ROCK2: variants seen among roughly 807,000 people sequenced by gnomAD.
The protein encoded by ROCK2 is Rho associated coiled-coil containing protein kinase 2.
A neutral mutation model predicts 195.1 loss-of-function variants in ROCK2; 61 were observed. That is an observed-to-expected ratio of 0.31 (90% CI 0.25 to 0.39). The LOEUF is 0.39. ROCK2 is among the 10% of genes least tolerant of loss of function. ROCK2 has a pLI of 1.00. For missense variants in ROCK2, 1,109 were observed against 1,637.4 expected (o/e 0.68, Z 5.57); for synonymous variants, 504 against 545.5 (o/e 0.92, Z 1.06).
At chr2:11,196,773 C>A (rs1277994985) in intron 27 of ROCK2, among the ~76,000 whole-genome samples, 1 of 152,068 alleles carries the variant, frequency 6.6e-6, no homozygotes, top group East Asian at 1.9e-4. Context: ...CGTGTGAGAA[C>A]TGGAAGGCTT....
At position 11,344,035 on chromosome 2, in the gene ROCK2, G is replaced by C. The variant is rs1233582144; in HGVS notation, c.102C>G (p.Ile34Met). 2 of 1,588,444 alleles carry C rather than the reference G, an allele frequency of 1.3e-6. No homozygotes were observed. The highest frequency in any genetic ancestry group is 1.7e-6 in the Non-Finnish European group (2 of 1,168,724). The change falls in exon 1 of 33, where the codon ATC (isoleucine) becomes ATG (methionine). Residue 34 changes from isoleucine to methionine, a missense_variant. Physicochemically the swap from Ile to Met is conservative, Grantham distance 10. Transcript: ENST00000315872. This position sits in a 1 kb window ranked among gnomAD's most constrained non-coding sequence, Gnocchi z 5.4. ...ASRQRKLEAL[I>M]RDPRSPINVE... ...CGTTGATGGGGGAGCGAGGGTCTCG[G>C]ATCAGCGCCTCCAGCTTCCTCTGGC... is the stretch of plus-strand genomic sequence containing the variant.
chr2:11,186,047 C>G (rs1182623908), intron 32 of ROCK2, among the ~76,000 whole-genome samples: 1 of 152,194 alleles, frequency 6.6e-6, no homozygotes, highest in Non-Finnish European at 1.5e-5. Context: ...AGCTGGTTAA[C>G]TTTGAGAAAC....
At chr2:11,245,009 A>T (rs868310606) in intron 4 of ROCK2, among the ~76,000 whole-genome samples, 6 of 152,022 alleles carry the variant, frequency 3.9e-5, no homozygotes, top group Middle Eastern at 3.5e-3. Flanking sequence ...AAAACTACTT[A>T]ACAAAATATT....
chr2:11,191,600 T>C (rs1179927233), intron 32 of ROCK2, among the ~76,000 whole-genome samples: 1 of 152,154 alleles, frequency 6.6e-6, no homozygotes, highest in African/African-American at 2.4e-5. Context: ...CAATGTGAGG[T>C]CTGTGTACAA....
chr2:11,248,612 G>A (rs763921887), intron 4 of ROCK2, among the ~76,000 whole-genome samples: 2 of 147,314 alleles, frequency 1.4e-5, no homozygotes, highest in African/African-American at 2.5e-5. Flanking sequence ...GAGAGACTGA[G>A]GCAGGAGAAC....
rs116077280 is a variant in ROCK2 at position 11,234,844 on chromosome 2, T to C, written c.723+858A>G. Among the ~76,000 whole-genome samples the C allele has an allele frequency of 3.8e-3, 578 of 152,234 alleles. 4 individuals are homozygous for C. Among genetic ancestry groups the C allele is most frequent in the Middle Eastern group, 0.02 (6 of 294 alleles). On this transcript the variant is annotated intron_variant, in intron 5 of 32. Transcript: ENST00000315872. ...GAATGATCAATAAAAGTGAATGTCA[T>C]ACAGGTGGCATGAACAAGTTAAGAG...
At chr2:11,208,254 T>G in intron 19 of ROCK2, 33 bp downstream of exon 19, 1 of 1,221,326 alleles carries the variant, frequency 8.2e-7, no homozygotes, top group Non-Finnish European at 1.1e-6. Flanking sequence ...ATTCATTAGT[T>G]TATTATTAAT....
rs528009603 is a variant in ROCK2, at chr2:11,201,614, G to A, written c.2620-201C>T. Among the ~76,000 whole-genome samples the A allele has an allele frequency of 9.2e-5, 14 of 152,246 alleles. No individual in the cohort carries two copies. The highest frequency in any genetic ancestry group is 1.4e-4 in the African/African-American group (6 of 41,564). Reference sequence around the variant, plus strand: ...TACAAGTTCAGGTAATAATTAAGAAGCATGATTTTCAACTGGATATCACAG... The same window carrying A: ...TACAAGTTCAGGTAATAATTAAGAAACATGATTTTCAACTGGATATCACAG... On this transcript the variant is annotated intron_variant, in intron 21 of 32. Transcript: ENST00000315872. The surrounding 1 kb of genome is among the most constrained non-coding windows in gnomAD (Gnocchi z 4.6).
intron 3 of ROCK2, among the ~76,000 whole-genome samples, chr2:11,269,574 G>A (rs1393400976): frequency 6.6e-6 from 1 of 152,066 alleles, no homozygotes; most frequent in Non-Finnish European, 1.5e-5. Flanking sequence ...CTTTTTCAAG[G>A]ACGGTTTCTT....
At chr2:11,248,005 G>C (rs1308633114) in intron 4 of ROCK2, among the ~76,000 whole-genome samples, 3 of 151,934 alleles carry the variant, frequency 2.0e-5, no homozygotes, top group African/African-American at 7.3e-5. Context: ...CTGGGTGACA[G>C]AGGGAGACTC....
intron 27 of ROCK2, 181 bp from the exon 28 acceptor site, chr2:11,195,206 C>A (rs1477683837): frequency 1.2e-5 from 4 of 345,288 alleles, no homozygotes; most frequent in Admixed American, 4.7e-5. Flanking sequence ...TTATGCAATG[C>A]AAAACAAAAT....
chr2:11,199,993 T>A (rs185761598), intron 23 of ROCK2, among the ~76,000 whole-genome samples: 1 of 152,326 alleles, frequency 6.6e-6, no homozygotes, highest in Non-Finnish European at 1.5e-5. Flanking sequence ...TTCAGACACT[T>A]GAAATTGTCA....
chr2:11,301,448 T>C (rs561673998), intron 1 of ROCK2, among the ~76,000 whole-genome samples: 2 of 152,188 alleles, frequency 1.3e-5, no homozygotes, highest in African/African-American at 4.8e-5. Flanking sequence ...AGTATCAACA[T>C]AACCAAAATT....
At chr2:11,317,612 A>ATATATATATATATTT (rs59701503) in intron 1 of ROCK2, among the ~76,000 whole-genome samples, 8 of 19,302 alleles carry the variant, frequency 4.1e-4, no homozygotes, top group African/African-American at 9.6e-4. Context: ...ATATATATAT[A>ATATATATATATATTT]TTTTTTTTTT....
At chr2:11,188,932 A>T (rs1558274181) in intron 32 of ROCK2, among the ~76,000 whole-genome samples, 2 of 151,094 alleles carry the variant, frequency 1.3e-5, no homozygotes, top group Non-Finnish European at 2.9e-5. Flanking sequence ...ACTACCCAGA[A>T]GGCTGAGGCA....
At chr2:11,275,648 A>T (rs1666797441) in intron 3 of ROCK2, among the ~76,000 whole-genome samples, 1 of 152,036 alleles carries the variant, frequency 6.6e-6, no homozygotes, top group Admixed American at 6.6e-5. Flanking sequence ...AGCAACACAT[A>T]ATCATTTCAA....
Position 11,209,290 on chromosome 2 carries a change from C to T in ROCK2, c.2204-843G>A, listed in dbSNP as rs553999411. Among the ~76,000 whole-genome samples the T allele has an allele frequency of 2.2e-3, 338 of 152,282 alleles. 2 individuals carry two copies. The highest frequency in any genetic ancestry group is 7.5e-3 in the African/African-American group (311 of 41,544). ...ACTGTTTGACTGGGCAAGTAATTCA[C>T]CTCTCTGGACCTGTTTCCTTATCTC... On this transcript the variant is annotated intron_variant, in intron 18 of 32. Transcript: ENST00000315872.
intron 1 of ROCK2, among the ~76,000 whole-genome samples, chr2:11,327,515 G>A (rs1286130457): frequency 6.6e-6 from 1 of 152,176 alleles, no homozygotes; most frequent in Admixed American, 6.5e-5. Flanking sequence ...AAGCCTTATG[G>A]GGAAAGATTG....
chr2:11,212,395 A>G (rs977801423), intron 17 of ROCK2, among the ~76,000 whole-genome samples: 1 of 152,126 alleles, frequency 6.6e-6, no homozygotes, highest in Non-Finnish European at 1.5e-5. Flanking sequence ...ATCTCAACAA[A>G]AAGACCAATG....
Sources: gnomAD v4.1 joint callset for allele counts (sites outside exome capture counted in the v4.1 genomes callset) on GRCh38, gnomAD v4.1.1 for gene constraint, Gnocchi (gnomAD v3.1) non-coding constraint, MANE v1.5 for transcripts, NCBI Gene and HGNC (gene_info 2026-07-23, HGNC 2026-07-21) for gene names.